The following GPM6A variants were observed in gnomAD, a reference collection of about 807,000 sequenced individuals.
GPM6A encodes the protein glycoprotein M6A, also known as neuronal membrane glycoprotein M6-a.
In GPM6A, 7 loss-of-function variants were observed where a neutral mutation model predicts 32.1. That is an observed-to-expected ratio of 0.22 (90% CI 0.12 to 0.41). The LOEUF is 0.41. GPM6A is among the 10% of genes least tolerant of loss of function. GPM6A has a pLI of 1.00. For synonymous variants in GPM6A, 130 were observed against 123.4 expected (o/e 1.05, Z -0.35); for missense variants, 235 against 347.2 (o/e 0.68, Z 2.57).
chr4:175,724,902 T>C (rs4690626), intron 1 of GPM6A, among the ~76,000 whole-genome samples: 123,544 of 151,918 alleles, frequency 0.81, 50,645 homozygotes, highest in Non-Finnish European at 0.88. Context: ...CACTCTGCCA[T>C]ACTCTCCTCC....
rs546308593 is a variant in GPM6A at position 175,678,938 on chromosome 4, A to T, written c.231-5102T>A. Among the ~76,000 whole-genome samples the T allele has an allele frequency of 3.9e-5, 6 of 152,284 alleles. No homozygotes were observed. The East Asian group carries it at 1.2e-3, about 29-fold the overall frequency. On this transcript the variant is annotated intron_variant, in intron 2 of 6. Coordinates refer to ENST00000393658, the MANE Select transcript of GPM6A (RefSeq NM_201591.3). ...TGTAACATTTTATCTCATTTACTTG[A>T]TTGTTTTCTCTGGATGATATATCTG...
chr4:175,763,735 G>C (rs186580551), intron 1 of GPM6A, among the ~76,000 whole-genome samples: 1 of 151,692 alleles, frequency 6.6e-6, no homozygotes, highest in Non-Finnish European at 1.5e-5. Flanking sequence ...CAGAAAACAG[G>C]CTTTTTTAAA....
At chr4:175,702,516 G>GT (rs754793501) in intron 1 of GPM6A, among the ~76,000 whole-genome samples, 41 of 151,872 alleles carry the variant, frequency 2.7e-4, no homozygotes, top group Non-Finnish European at 4.0e-4. Context: ...CTAGTGAACT[G>GT]TTTTCTTTCC....
chr4:175,767,052 T>G (rs1224014516), intron 1 of GPM6A, among the ~76,000 whole-genome samples: 1 of 152,160 alleles, frequency 6.6e-6, no homozygotes, highest in African/African-American at 2.4e-5. Flanking sequence ...TTTCAGGACA[T>G]GAAAGGGTAT....
chr4:175,839,161 C>G (rs1735864326), intron 1 of GPM6A, among the ~76,000 whole-genome samples: 1 of 152,112 alleles, frequency 6.6e-6, no homozygotes, highest in South Asian at 2.1e-4. Flanking sequence ...TGGTTCAAGA[C>G]AGCCATTTTG....
intron 3 of GPM6A, 27 bp from the exon 4 acceptor site, chr4:175,652,014 GA>G: frequency 6.4e-7 from 1 of 1,574,730 alleles, no homozygotes; most frequent in Non-Finnish European, 8.6e-7. Context: ...AATGGAGAGA[GA>G]AAATGTAATC....
intron 1 of GPM6A, among the ~76,000 whole-genome samples, chr4:175,759,459 ATT>A (rs945542982): frequency 6.6e-6 from 1 of 152,158 alleles, no homozygotes; most frequent in African/African-American, 2.4e-5. Flanking sequence ...TTGCTAAATA[ATT>A]TTTGTTATGA....
At chr4:175,658,248 T>G (rs1378562209) in intron 3 of GPM6A, among the ~76,000 whole-genome samples, 1 of 150,388 alleles carries the variant, frequency 6.6e-6, no homozygotes, top group African/African-American at 2.5e-5. Context: ...TAAAAAGAAA[T>G]GAGCTATCAA....
chr4:175,815,111 A>G (rs564617721), upstream of GPM6A, among the ~76,000 whole-genome samples: 1 of 152,080 alleles, frequency 6.6e-6, no homozygotes, highest in African/African-American at 2.4e-5. Context: ...CCAGGGTTTG[A>G]GCAATTCTCC....
chr4:175,984,559 A>C (rs1281619474), intron 1 of GPM6A, among the ~76,000 whole-genome samples: 1 of 152,306 alleles, frequency 6.6e-6, no homozygotes, highest in South Asian at 2.1e-4. Flanking sequence ...ACTTAAAAAA[A>C]TCCAACCTGT....
At chr4:175,962,495 T>A in intron 1 of GPM6A, 1 of 581,326 alleles carries the variant, frequency 1.7e-6, no homozygotes, top group East Asian at 3.7e-5. Flanking sequence ...AAGTCACAGC[T>A]GCCTATCACT....
chr4:175,858,952 G>T (rs1736494727), intron 1 of GPM6A, among the ~76,000 whole-genome samples: 1 of 152,148 alleles, frequency 6.6e-6, no homozygotes, highest in African/African-American at 2.4e-5. Flanking sequence ...TAATTATGCT[G>T]CAAGAAAGAA....
intron 1 of GPM6A, among the ~76,000 whole-genome samples, chr4:175,767,582 T>G (rs779432974): frequency 9.2e-5 from 14 of 152,346 alleles, no homozygotes; most frequent in Non-Finnish European, 1.8e-4. Flanking sequence ...TTCACTTTTT[T>G]TAGGAGACTT....
At chr4:175,664,596 C>T (rs1742628439) in intron 3 of GPM6A, among the ~76,000 whole-genome samples, 1 of 152,222 alleles carries the variant, frequency 6.6e-6, no homozygotes, top group Non-Finnish European at 1.5e-5. Flanking sequence ...TGTTCATATA[C>T]TTCAAGATTT....
chr4:175,869,209 A>C (rs1363569246), intron 1 of GPM6A, among the ~76,000 whole-genome samples: 1 of 152,176 alleles, frequency 6.6e-6, no homozygotes, highest in Non-Finnish European at 1.5e-5. Flanking sequence ...TTGTATTTTC[A>C]TCTTACCTTT....
At chr4:175,636,313 T>G in intron 6 of GPM6A, among the ~76,000 whole-genome samples, 1 of 139,942 alleles carries the variant, frequency 7.1e-6, no homozygotes, top group Non-Finnish European at 1.6e-5. Flanking sequence ...TATATATGGA[T>G]TAAATAAGGC....
intron 2 of GPM6A, among the ~76,000 whole-genome samples, chr4:175,701,010 T>C (rs1319710236): frequency 1.3e-5 from 2 of 152,222 alleles, no homozygotes; most frequent in Non-Finnish European, 1.5e-5. Context: ...TTTTACATTT[T>C]ATGAGAGAAA....
At chr4:175,693,277 CATACATATATACATATATATATAAAAT>C (rs1744395806) in intron 2 of GPM6A, among the ~76,000 whole-genome samples, 2 of 148,306 alleles carry the variant, frequency 1.3e-5, no homozygotes, top group Non-Finnish European at 3.0e-5. Flanking sequence ...TACACATATG[CATACATATATACATATATATATAAAAT>C]ATACATATAT....
chr4:175,918,806 A>G (rs925178191), intron 1 of GPM6A, among the ~76,000 whole-genome samples: 2 of 152,116 alleles, frequency 1.3e-5, no homozygotes, highest in African/African-American at 4.8e-5. Context: ...AGCATATCAC[A>G]TGTTTTATCT....
Sources: gnomAD v4.1 joint callset for allele counts (sites outside exome capture counted in the v4.1 genomes callset) on GRCh38, gnomAD v4.1.1 for gene constraint, MANE v1.5 for transcripts, NCBI Gene and HGNC (gene_info 2026-07-23, HGNC 2026-07-21) for gene names.